Variants in TMEM131 observed in about 807,000 individuals in gnomAD.
TMEM131 encodes 2610524E03Rik.
TMEM131 carries 66 observed loss-of-function variants against 211.6 expected under a neutral mutation model. That is an observed-to-expected ratio of 0.31 (90% CI 0.26 to 0.38). The LOEUF (loss-of-function observed/expected upper bound fraction) is 0.38. Among genes scored for constraint, TMEM131 ranks in the 10% least tolerant of loss-of-function variants. The pLI is 1.00. For missense variants in TMEM131, 2,036 were observed against 2,299.3 expected, an observed-to-expected ratio of 0.89 and a Z score of 2.34; for synonymous variants, 844 against 841.3, an observed-to-expected ratio of 1.00 and a Z score of -0.06.
chr2:97,908,574 A>G, intron 3 of TMEM131, 84 bp downstream of exon 3: 1 of 984,574 alleles, frequency 1.0e-6, no homozygotes, highest in Non-Finnish European at 1.6e-6. Flanking sequence ...CACCAAAATG[A>G]GCAAGGGGAA....
At chr2:97,912,489 T>A (rs576089197) in intron 2 of TMEM131, among the ~76,000 whole-genome samples, 4 of 152,300 alleles carry the variant, frequency 2.6e-5, no homozygotes, top group Middle Eastern at 3.4e-3. Context: ...TGCATTTTTT[T>A]AATCTTCTAT....
At chr2:97,777,121 CT>C (rs11318607) in intron 31 of TMEM131, among the ~76,000 whole-genome samples, 4,232 of 152,286 alleles carry the variant, frequency 0.028, 66 homozygotes, top group Middle Eastern at 0.065. Context: ...CCTCATGGAG[CT>C]TACAATCCAG....
chr2:97,814,272 TC>T lies in TMEM131; in HGVS notation c.1408del (p.Asp470MetfsTer22). The T allele has an allele frequency of 6.2e-7, 1 of 1,613,912 alleles. No homozygotes were observed. The highest frequency in any genetic ancestry group is 8.5e-7 in the Non-Finnish European group (1 of 1,179,858). On this transcript the variant is annotated frameshift_variant, in exon 14 of 41. Coordinates refer to ENST00000186436, the MANE Select transcript of TMEM131 (RefSeq NM_015348.2). LOFTEE classifies it high-confidence loss of function. ...TTTGGCTTCTTCTGGTAGCAACACA[TC>T]GTGAATGAGGATCGCAAAACTGAAA... Reference protein sequence around the residue: ...NTFSFAILIHDVLLPEEAKTM... With the variant: ...NTFSFAILIHXVLLPEEAKTM...
intron 29 of TMEM131, 87 bp downstream of exon 29, chr2:97,794,843 C>G: frequency 1.7e-6 from 2 of 1,164,716 alleles, no homozygotes; most frequent in Non-Finnish European, 2.4e-6. Flanking sequence ...TATCCTAGCA[C>G]TCAGAACAGT....
At chr2:97,875,544 C>T (rs556925060) in intron 4 of TMEM131, among the ~76,000 whole-genome samples, 5 of 152,206 alleles carry the variant, frequency 3.3e-5, no homozygotes, top group East Asian at 1.9e-4. Context: ...CAATCAAATT[C>T]GAACTCAGGA....
In TMEM131 at chr2:97,802,714, G is replaced by T; in HGVS notation, c.2479C>A (p.Pro827Thr). 6.2e-7 allele frequency: 1 copy of T among 1,602,090 alleles called. No individual in the cohort carries two copies. Among genetic ancestry groups the T allele is most frequent in the Non-Finnish European group, 8.5e-7 (1 of 1,175,876 alleles). ...ISKITAELSW[P>T]SILSSPRHLK... ...TGCCGGGGTGAGCTAAGTATGGAAG[G>T]CCAGGAGAGCTCAGCAGTGATTTTT... is the stretch of plus-strand genomic sequence containing the variant. Residue 827 changes from proline to threonine, a missense_variant, in exon 23 of 41, where the codon CCT becomes ACT. Pro to Thr is a conservative substitution (Grantham distance 38). Transcript: ENST00000186436.
At chr2:97,802,137 T>G (rs906739975) in intron 24 of TMEM131, among the ~76,000 whole-genome samples, 176 bp from the exon 25 acceptor site, 1 of 152,196 alleles carries the variant, frequency 6.6e-6, no homozygotes, top group African/African-American at 2.4e-5. Context: ...TAATTAATAT[T>G]TTGTTCACTT....
chr2:97,937,960 T>C (rs571734039), intron 1 of TMEM131, among the ~76,000 whole-genome samples: 1 of 152,290 alleles, frequency 6.6e-6, no homozygotes, highest in South Asian at 2.1e-4. Flanking sequence ...TAAAATCCTT[T>C]ACAGACAAAC....
intron 1 of TMEM131, among the ~76,000 whole-genome samples, chr2:97,962,592 C>G (rs554264546): frequency 6.6e-6 from 1 of 152,280 alleles, no homozygotes; most frequent in Admixed American, 6.5e-5. Flanking sequence ...GTAAAATCAA[C>G]TGGAACTCTC....
At chr2:97,985,244 G>T (rs899832744) in intron 1 of TMEM131, among the ~76,000 whole-genome samples, 3 of 151,936 alleles carry the variant, frequency 2.0e-5, no homozygotes, top group African/African-American at 7.3e-5. Context: ...ATGTTCTGAA[G>T]CTCTAGCCAA....
At chr2:97,943,095 AAGAAAG>A (rs1419472912) in intron 1 of TMEM131, among the ~76,000 whole-genome samples, 62 of 147,768 alleles carry the variant, frequency 4.2e-4, no homozygotes, top group African/African-American at 1.3e-3. Context: ...GAAAGAAAGA[AAGAAAG>A]AGCTGGGTGT....
intron 4 of TMEM131, among the ~76,000 whole-genome samples, chr2:97,877,832 C>T (rs1002371825): frequency 6.6e-6 from 1 of 152,102 alleles, no homozygotes; most frequent in Non-Finnish European, 1.5e-5. Flanking sequence ...AAAGCAATGG[C>T]AACAAAAGCC....
chr2:97,927,377 G>C (rs1677035095), intron 2 of TMEM131, 49 bp downstream of exon 2: 1 of 1,361,468 alleles, frequency 7.3e-7, no homozygotes, highest in Non-Finnish European at 1.0e-6. Flanking sequence ...ATAATAACCA[G>C]ATATTATTCA....
chr2:97,984,491 G>T (rs970969823), intron 1 of TMEM131, among the ~76,000 whole-genome samples: 1 of 151,910 alleles, frequency 6.6e-6, no homozygotes, highest in Non-Finnish European at 1.5e-5. Context: ...CAGGAAGTGT[G>T]GTACCAACAT....
chr2:97,796,865 A>G lies in TMEM131; in HGVS notation c.2992T>C (p.Leu998=). Residue 998 remains leucine, a synonymous_variant, in exon 27 of 41, where the codon TTG becomes CTG. Transcript: ENST00000186436. Reference sequence around the variant, plus strand: ...TTACTATCTGTACAATCTTTTAACAATGCTTCCGTGATTTTAAAGCGTAAG... The same window carrying G: ...TTACTATCTGTACAATCTTTTAACAGTGCTTCCGTGATTTTAAAGCGTAAG... ...SSLRFKITEA[L]LKDCTDSLKL... The G allele has an allele frequency of 6.2e-7, 1 of 1,613,878 alleles. No individual in the cohort carries two copies. The highest frequency in any genetic ancestry group is 8.5e-7 in the Non-Finnish European group (1 of 1,179,820).
rs1327448272 is a variant in TMEM131, at chr2:97,775,885, G to A, written c.4278C>T (p.Thr1426=). The part of the protein sequence containing the change: ...SLADDDSSST[T]TETSNPDTEP... ...CTGTGTCAGGGTTGGAGGTCTCTGT[G>A]GTGGTGGAGGAGCTATCATCATCAG... Residue 1426 remains threonine, a synonymous_variant, in exon 32 of 41, where the codon ACC becomes ACT. Coordinates refer to ENST00000186436, the MANE Select transcript of TMEM131 (RefSeq NM_015348.2). 1 of 1,613,916 alleles carries A rather than the reference G, an allele frequency of 6.2e-7. No homozygotes were observed. The highest frequency in any genetic ancestry group is 1.1e-5 in the South Asian group (1 of 91,080).
intron 12 of TMEM131, among the ~76,000 whole-genome samples, chr2:97,817,582 T>A (rs1303537166): frequency 6.6e-6 from 1 of 152,248 alleles, no homozygotes. Context: ...TCTATAATAC[T>A]ATTTCTTGAC....
rs577627165 is a variant in TMEM131 at position 97,995,340 on chromosome 2, G to A, written c.187+136C>T. 2.8e-4 allele frequency: 241 copies of A among 871,728 alleles called. No individual in the cohort carries two copies. The African/African-American group carries it at 3.8e-3, about 14-fold the overall frequency. 54.0% of individuals were successfully genotyped at this position (871,728 alleles called of 1,614,324 possible). A position where few individuals can be genotyped will look rare whatever the true frequency, so the allele number is the denominator to read the frequency against. On this transcript the variant is annotated intron_variant, in intron 1 of 40. Coordinates refer to ENST00000186436, the MANE Select transcript of TMEM131 (RefSeq NM_015348.2). ...CGTGCGGCGGGCGCCGCGAGGTCCC[G>A]GCTCGGGACGGTACCCGACCGCCCA...
chr2:97,995,666 T>C lies in TMEM131; in HGVS notation c.-4A>G. 8.3e-7 allele frequency: 1 copy of C among 1,204,776 alleles called. No homozygotes were observed. Among genetic ancestry groups the C allele is most frequent in the Non-Finnish European group, 1.0e-6 (1 of 970,334 alleles). 74.6% of individuals were successfully genotyped at this position (1,204,776 alleles called of 1,614,324 possible). A position where few individuals can be genotyped will look rare whatever the true frequency, so the allele number is the denominator to read the frequency against. On this transcript the variant is annotated 5_prime_UTR_variant, in exon 1 of 41. Coordinates refer to ENST00000186436, the MANE Select transcript of TMEM131 (RefSeq NM_015348.2). ...CTCCTCCCGCCCGCTTCCCCATCCCTGCCGGCCGGGGGCCGCCGCGCTCGA... is the reference window on the plus strand; with the variant it reads ...CTCCTCCCGCCCGCTTCCCCATCCCCGCCGGCCGGGGGCCGCCGCGCTCGA...
Sources: allele counts gnomAD v4.1 joint callset (sites outside exome capture counted in the v4.1 genomes callset), GRCh38; gene constraint gnomAD v4.1.1; transcripts MANE v1.5; gene names NCBI Gene and HGNC (gene_info 2026-07-23, HGNC 2026-07-21).